The following GPHN variants were observed in gnomAD, a reference collection of about 807,000 sequenced individuals.
GPHN encodes the protein gephyrin.
In GPHN, 17 loss-of-function variants were observed where a neutral mutation model predicts 95.5. The observed-to-expected ratio is 0.18, with a 90% CI of 0.12 to 0.27. GPHN has a LOEUF of 0.27. Among genes scored for constraint, GPHN ranks in the 10% least tolerant of loss-of-function variants. The pLI, the probability that GPHN is intolerant of heterozygous loss-of-function variation, is 1.00. For missense variants in GPHN, 660 were observed against 978.1 expected (o/e 0.67, Z 4.34); for synonymous variants, 320 against 322.5 (o/e 0.99, Z 0.08).
chr14:67,122,180 A>C (rs559787715), intron 16 of GPHN, 76 bp from the exon 17 acceptor site: 1 of 1,447,788 alleles, frequency 6.9e-7, no homozygotes, highest in Non-Finnish European at 9.7e-7. Context: ...AACTCAGTTT[A>C]GTAGATTTTT....
At chr14:67,302,569 T>C in the GPHN span, 2 of 1,492,986 alleles carry the variant, frequency 1.3e-6, no homozygotes, top group Non-Finnish European at 1.8e-6. Context: ...TTTTGACTTG[T>C]TGGTAAGTTG....
intron 2 of GPHN, among the ~76,000 whole-genome samples, chr14:66,737,071 T>C (rs1317572890): frequency 1.3e-5 from 2 of 152,244 alleles, no homozygotes; most frequent in Non-Finnish European, 2.9e-5. Context: ...GTAAGTTTTC[T>C]TACATTTTGT....
At chr14:67,702,313 C>T in the GPHN span, among the ~76,000 whole-genome samples, 101 of 152,028 alleles carry the variant, frequency 6.6e-4, no homozygotes, top group African/African-American at 2.4e-3. Context: ...ATTTTTATAG[C>T]CTGTGAATGT....
Position 67,181,437 on chromosome 14 carries a change from C to T in GPHN, c.*500C>T, listed in dbSNP as rs541755532. ...GTGCACAGTGCCAAAAGAAGACTGACTGGGTGGAGGCTCTGCCTTGCCTCA... is the reference window on the plus strand; with the variant it reads ...GTGCACAGTGCCAAAAGAAGACTGATTGGGTGGAGGCTCTGCCTTGCCTCA... On this transcript the variant is annotated 3_prime_UTR_variant, in exon 23 of 23. Transcript: ENST00000478722. 7.2e-5 allele frequency: 37 copies of T among 510,450 alleles called. 1 individual carries two copies. The Admixed American group carries it at 7.4e-4, about 10-fold the overall frequency. The allele number at this position is 510,450 out of a possible 1,614,324, so 31.6% of individuals were successfully genotyped here.
the GPHN span, among the ~76,000 whole-genome samples, chr14:67,315,891 C>T: frequency 6.6e-6 from 1 of 152,256 alleles, no homozygotes; most frequent in Admixed American, 6.5e-5. Flanking sequence ...CGCCACTGCA[C>T]TCCAGCCTGG....
At chr14:67,712,276 T>G in the GPHN span, among the ~76,000 whole-genome samples, 2 of 152,014 alleles carry the variant, frequency 1.3e-5, no homozygotes, top group African/African-American at 2.4e-5. Flanking sequence ...CCACACTGAA[T>G]CCTGGGTCTC....
chr14:67,021,233 A>G (rs1413206815), intron 9 of GPHN, among the ~76,000 whole-genome samples: 1 of 152,176 alleles, frequency 6.6e-6, no homozygotes, highest in Admixed American at 6.5e-5. Flanking sequence ...ATACACACAC[A>G]CATACTCAAG....
intron 16 of GPHN, among the ~76,000 whole-genome samples, chr14:67,119,756 C>T (rs2078906744): frequency 6.6e-6 from 1 of 152,116 alleles, no homozygotes; most frequent in South Asian, 2.1e-4. Flanking sequence ...CGCCATTGCA[C>T]TCCAGCCTGG....
chr14:67,243,966 T>C, the GPHN span, among the ~76,000 whole-genome samples: 2 of 152,224 alleles, frequency 1.3e-5, no homozygotes, highest in Non-Finnish European at 2.9e-5. Context: ...TGGAACTACA[T>C]GAATGCTAAA....
the GPHN span, among the ~76,000 whole-genome samples, chr14:67,618,149 C>T: frequency 3.3e-5 from 5 of 152,178 alleles, no homozygotes; most frequent in African/African-American, 1.2e-4. Context: ...AAAGTATCAA[C>T]ATAATTTCAA....
At position 66,916,011 on chromosome 14, in the gene GPHN, G is replaced by A; in HGVS notation, c.398G>A (p.Cys133Tyr). 1 of 1,594,022 alleles carries A rather than the reference G, an allele frequency of 6.3e-7. No individual in the cohort carries two copies. Among genetic ancestry groups the A allele is most frequent in the Non-Finnish European group, 8.6e-7 (1 of 1,161,682 alleles). The change falls in exon 6 of 23, where the codon TGT (cysteine) becomes TAT (tyrosine). Residue 133 changes from cysteine (C) to tyrosine (Y), a missense_variant. Physicochemically the swap from Cys to Tyr is radical, Grantham distance 194 (BLOSUM62 -2). Coordinates refer to ENST00000478722, the MANE Select transcript of GPHN (RefSeq NM_020806.5). ...TTTCTCTTTTCTTTCAGGCCTGTAT[G>A]TGGAATCAGAGGGAAAACGCTCATA... ...TPLGMLSRPV[C>Y]GIRGKTLIIN...
intron 1 of GPHN, among the ~76,000 whole-genome samples, chr14:66,663,591 A>G (rs957047422): frequency 6.6e-6 from 1 of 152,312 alleles, no homozygotes; most frequent in South Asian, 2.1e-4. Context: ...CTCCAAAATA[A>G]CCAGCTAACA....
At chr14:66,590,043 C>T (rs972847467) in intron 1 of GPHN, among the ~76,000 whole-genome samples, 5 of 152,146 alleles carry the variant, frequency 3.3e-5, no homozygotes, top group Admixed American at 6.5e-5. Context: ...CGCGTAACTA[C>T]GTGGAAACTG....
chr14:67,540,424 A>C, the GPHN span, among the ~76,000 whole-genome samples: 1 of 152,052 alleles, frequency 6.6e-6, no homozygotes, highest in African/African-American at 2.4e-5. Flanking sequence ...CCAGGAGTTC[A>C]AGACCAGCCT....
chr14:67,299,211 A>T, the GPHN span, among the ~76,000 whole-genome samples: 1 of 152,202 alleles, frequency 6.6e-6, no homozygotes, highest in African/African-American at 2.4e-5. Flanking sequence ...TTTGTGAAAT[A>T]TCCGGTTAGA....
chr14:66,979,473 A>G (rs2070501911), intron 9 of GPHN, among the ~76,000 whole-genome samples: 1 of 152,204 alleles, frequency 6.6e-6, no homozygotes, highest in Non-Finnish European at 1.5e-5. Flanking sequence ...CTCATGAGCC[A>G]ACCTCAGCTA....
At chr14:66,571,152 C>CA (rs1343544325) in intron 1 of GPHN, among the ~76,000 whole-genome samples, 1 of 152,154 alleles carries the variant, frequency 6.6e-6, no homozygotes, top group Non-Finnish European at 1.5e-5. Flanking sequence ...GGAAACTTAA[C>CA]AATCATGGCA....
chr14:67,361,997 G>A, the GPHN span, among the ~76,000 whole-genome samples: 1 of 149,340 alleles, frequency 6.7e-6, no homozygotes, highest in East Asian at 1.9e-4. Context: ...AATTACTTAG[G>A]TAAGAGTCTT....
At chr14:66,689,891 T>C (rs1387848786) in intron 2 of GPHN, among the ~76,000 whole-genome samples, 2 of 152,050 alleles carry the variant, frequency 1.3e-5, no homozygotes. Flanking sequence ...TCCATTCTGA[T>C]TTTATTTATT....
Sources: allele counts gnomAD v4.1 joint callset (sites outside exome capture counted in the v4.1 genomes callset), GRCh38; gene constraint gnomAD v4.1.1; transcripts MANE v1.5; gene names NCBI Gene and HGNC (gene_info 2026-07-23, HGNC 2026-07-21).